ELAPOR2: variants seen among roughly 807,000 people sequenced by gnomAD.
ELAPOR2 encodes endosome/lysosome-associated apoptosis and autophagy regulator family member 2.
Under a neutral mutation model 120.7 loss-of-function variants are expected in ELAPOR2, and 89 were observed. The ratio of observed to expected loss-of-function variants is 0.74; its 90% CI spans 0.62 to 0.88. The LOEUF (loss-of-function observed/expected upper bound fraction) is 0.88. Among genes scored for constraint, ELAPOR2 ranks in the 40% least tolerant of loss-of-function variants. ELAPOR2 has a pLI of 0.00. For missense variants in ELAPOR2, 1,134 were observed against 1,251.6 expected (o/e 0.91, Z 1.42); for synonymous variants, 444 against 444.9 (o/e 1.00, Z 0.03).
intron 1 of ELAPOR2, among the ~76,000 whole-genome samples, chr7:86,972,606 T>G (rs372332923): frequency 4.0e-5 from 6 of 151,642 alleles, no homozygotes; most frequent in African/African-American, 1.2e-4. Context: ...GTTTTTTGTT[T>G]TTTTTTTTTT....
chr7:87,019,618 T>C (rs1396135009), intron 1 of ELAPOR2, among the ~76,000 whole-genome samples: 2 of 152,190 alleles, frequency 1.3e-5, no homozygotes, highest in African/African-American at 4.8e-5. Context: ...CTATTTTTGT[T>C]AAAGTAACAG....
chr7:86,927,045 A>G (rs779241772), intron 8 of ELAPOR2, 129 bp from the exon 9 acceptor site: 1 of 752,650 alleles, frequency 1.3e-6, no homozygotes, highest in Middle Eastern at 4.1e-4. Flanking sequence ...AGAATCTAAA[A>G]CATCAGTGAC....
intron 11 of ELAPOR2, among the ~76,000 whole-genome samples, chr7:86,918,759 T>C (rs1789687260): frequency 6.6e-6 from 1 of 152,116 alleles, no homozygotes; most frequent in African/African-American, 2.4e-5. Context: ...TGCTTGAACC[T>C]CTTGCTGTAA....
chr7:87,035,057 G>A (rs962560061), intron 1 of ELAPOR2, among the ~76,000 whole-genome samples: 4 of 147,934 alleles, frequency 2.7e-5, no homozygotes, highest in South Asian at 2.1e-4. Context: ...CTACACTCCA[G>A]CCTGGACAAA....
At chr7:86,888,479 C>G (rs1423674521) in intron 21 of ELAPOR2, among the ~76,000 whole-genome samples, 1 of 152,090 alleles carries the variant, frequency 6.6e-6, no homozygotes, top group Non-Finnish European at 1.5e-5. Flanking sequence ...GTGGCTCTCT[C>G]AAATCATGGC....
intron 1 of ELAPOR2, among the ~76,000 whole-genome samples, chr7:86,996,531 C>T (rs558685320): frequency 1.9e-4 from 29 of 152,236 alleles, no homozygotes; most frequent in African/African-American, 6.7e-4. Flanking sequence ...ACATGTAAGG[C>T]CTTAGATATC....
chr7:87,020,717 G>A (rs565567890), intron 1 of ELAPOR2, among the ~76,000 whole-genome samples: 1 of 151,966 alleles, frequency 6.6e-6, no homozygotes, highest in Non-Finnish European at 1.5e-5. Context: ...AAATGCCACT[G>A]AGTTTTCACT....
At chr7:86,903,066 A>C (rs1384427338) in intron 18 of ELAPOR2, among the ~76,000 whole-genome samples, 1 of 152,244 alleles carries the variant, frequency 6.6e-6, no homozygotes, top group Non-Finnish European at 1.5e-5. Context: ...AGCCAGCATC[A>C]GATCAAAACC....
chr7:86,889,423 G>A (rs77654270), intron 21 of ELAPOR2, among the ~76,000 whole-genome samples: 1,708 of 150,974 alleles, frequency 0.011, 40 homozygotes, highest in African/African-American at 0.04. Flanking sequence ...CAGCTCCAGT[G>A]GATGCCTGAA....
intron 19 of ELAPOR2, among the ~76,000 whole-genome samples, chr7:86,896,795 T>C (rs1044294659): frequency 2.6e-5 from 4 of 152,124 alleles, no homozygotes; most frequent in African/African-American, 9.7e-5. Context: ...ATTGATATGA[T>C]CAAAGTAATT....
chr7:87,026,376 T>G (rs1584011513), intron 1 of ELAPOR2, among the ~76,000 whole-genome samples: 1 of 152,170 alleles, frequency 6.6e-6, no homozygotes, highest in East Asian at 1.9e-4. Context: ...ATCTAGTCTC[T>G]TGTTGAATCA....
At chr7:87,057,194 A>AG (rs747131212) in intron 1 of ELAPOR2, among the ~76,000 whole-genome samples, 58 of 152,334 alleles carry the variant, frequency 3.8e-4, no homozygotes, top group Non-Finnish European at 6.8e-4. Context: ...GGCTGAGCTC[A>AG]AGAGGATACC....
chr7:86,950,455 G>T (rs1791198097), intron 2 of ELAPOR2, among the ~76,000 whole-genome samples: 1 of 152,220 alleles, frequency 6.6e-6, no homozygotes, highest in Non-Finnish European at 1.5e-5. Context: ...CCTCTTTGGG[G>T]CTCTGTAGTT....
rs1298586277 is a variant in ELAPOR2, at chr7:86,902,563, A to C, written c.2559-4931T>G. 7.9e-5 allele frequency among the ~76,000 whole-genome samples: 12 copies of C among 152,212 alleles called. No individual in the cohort carries two copies. In the East Asian group the frequency reaches 2.3e-3, roughly 29 times the overall value. ...ACCTCCCAACACACCATCTCTTACT[A>C]CTATCACTTCAGTATTAATGGTATT... On this transcript the variant is annotated intron_variant, in intron 18 of 21. Transcript: ENST00000450689.
chr7:86,938,259 C>T (rs575540252), intron 7 of ELAPOR2, 45 bp from the exon 8 acceptor site: 2 of 1,445,598 alleles, frequency 1.4e-6, no homozygotes, highest in South Asian at 2.5e-5. Context: ...AATTATTTTG[C>T]AACTCTAAGA....
At position 86,879,487 on chromosome 7, in the gene ELAPOR2, G is replaced by GA. The variant is rs1799298588; in HGVS notation, c.*983dup. The GA allele has an allele frequency of 6.6e-6, 1 of 152,018 alleles. No homozygotes were observed. Among genetic ancestry groups the GA allele is most frequent in the Non-Finnish European group, 1.5e-5 (1 of 67,984 alleles). The allele number at this position is 152,018 out of a possible 1,614,324, so 9.4% of individuals were successfully genotyped here. On this transcript the variant is annotated 3_prime_UTR_variant, in exon 22 of 22. Coordinates refer to ENST00000450689, the MANE Select transcript of ELAPOR2 (RefSeq NM_001142749.3). ...TCAACATCCTCAAAGTCTTGCAGCA[G>GA]AAAAATAACCATATAACCTCTGGTG... is the stretch of plus-strand genomic sequence containing the variant.
intron 1 of ELAPOR2, among the ~76,000 whole-genome samples, chr7:86,974,506 T>C (rs1342151548): frequency 6.6e-6 from 1 of 151,932 alleles, no homozygotes; most frequent in Admixed American, 6.6e-5. Context: ...CAAAGGTATA[T>C]TTAATAACAA....
chr7:86,904,839 A>G lies in ELAPOR2; in HGVS notation c.2558+2831T>C, dbSNP rs377238507. On this transcript the variant is annotated intron_variant, in intron 18 of 21. Transcript: ENST00000450689. ...CAACCAACATTGCTACTGCTAAAGT[A>G]AACTTTTGCCTGGCTTGCCAAGATT... 5.9e-5 allele frequency among the ~76,000 whole-genome samples: 9 copies of G among 152,296 alleles called. 2 individuals are homozygous for G. The highest frequency in any genetic ancestry group is 6.5e-5 in the Admixed American group (1 of 15,272).
rs183867413 is a variant in ELAPOR2, at chr7:86,914,788, T to G, written c.1666A>C (p.Ile556Leu). 13 of 1,612,874 alleles carry G rather than the reference T, an allele frequency of 8.1e-6. No individual in the cohort carries two copies. The Admixed American group carries it at 2.2e-4, about 27-fold the overall frequency. ...GTKEKQAYTH[I>L]IFKNATFTFT... ...GTAAAAGTTGCATTCTTGAAGATGA[T>G]ATGGGTGTAAGCTTGTTTTTCTTTG... Residue 556 changes from isoleucine to leucine, a missense_variant, in exon 13 of 22, where the codon ATC becomes CTC. By Grantham distance (5) the Ile-to-Leu change is conservative. This residue lies in a region of ELAPOR2 where 831 missense variants were observed against 867.6 expected (regional missense o/e 0.96). Coordinates refer to ENST00000450689, the MANE Select transcript of ELAPOR2 (RefSeq NM_001142749.3).
Sources: gnomAD v4.1 joint callset for allele counts (sites outside exome capture counted in the v4.1 genomes callset) on GRCh38, gnomAD v4.1.1 for gene constraint, gnomAD v4.1.1 regional missense constraint, MANE v1.5 for transcripts, NCBI Gene and HGNC (gene_info 2026-07-23, HGNC 2026-07-21) for gene names.